The following WDR7 variants were observed in gnomAD, a reference collection of about 807,000 sequenced individuals.
WDR7 encodes WD repeat-containing protein 7.
WDR7 carries 46 observed loss-of-function variants against 169.4 expected under a neutral mutation model. That is an observed-to-expected ratio of 0.27 (90% CI 0.21 to 0.35). The LOEUF is 0.35. WDR7 is among the 10% of genes least tolerant of loss of function. WDR7 has a pLI of 1.00. For missense variants in WDR7, 1,534 were observed against 1,859.3 expected (o/e 0.83, Z 3.22); for synonymous variants, 612 against 666.8 (o/e 0.92, Z 1.27).
At chr18:56,930,017 G>T (rs1350302831) in intron 22 of WDR7, among the ~76,000 whole-genome samples, 5 of 152,090 alleles carry the variant, frequency 3.3e-5, no homozygotes, top group Admixed American at 6.5e-5. Flanking sequence ...CATGTGGCAG[G>T]GCCTTTACTC....
At chr18:56,657,733 A>G (rs751974963) in intron 1 of WDR7, among the ~76,000 whole-genome samples, 9 of 152,240 alleles carry the variant, frequency 5.9e-5, no homozygotes, top group Non-Finnish European at 1.3e-4. Flanking sequence ...TTTGCTGAAT[A>G]CAAAAGAACA....
chr18:56,992,445 A>G (rs1241337660), intron 26 of WDR7, among the ~76,000 whole-genome samples: 3 of 152,210 alleles, frequency 2.0e-5, no homozygotes, highest in African/African-American at 4.8e-5. Context: ...GACTGCATAC[A>G]GAGATTATTC....
chr18:56,711,534 A>G (rs1266023842), intron 12 of WDR7, among the ~76,000 whole-genome samples: 1 of 151,960 alleles, frequency 6.6e-6, no homozygotes. Flanking sequence ...TTAGCCCACT[A>G]TTTCTTCAGT....
rs573169941 is a variant in WDR7, at chr18:56,771,575, C to G, written c.2849-5207C>G. Among the ~76,000 whole-genome samples the G allele has an allele frequency of 1.6e-3, 233 of 144,176 alleles. 4 individuals are homozygous for G. Among genetic ancestry groups the G allele is most frequent in the Admixed American group, 0.015 (213 of 14,148 alleles). The allele number at this position is 144,176 out of a possible 152,430, so 94.6% of individuals were successfully genotyped here. A position where few individuals can be genotyped will look rare whatever the true frequency, so the allele number is the denominator to read the frequency against. ...CATCTCTACCCTCCCCCACCCCCCC[C>G]CAAAAAAAGAAAAAAAAAAATACTG... On this transcript the variant is annotated intron_variant, in intron 16 of 27. Coordinates refer to ENST00000254442, the MANE Select transcript of WDR7 (RefSeq NM_015285.3).
rs578105823 is a variant in WDR7, at chr18:56,675,083, C to T, written c.159+2409C>T. Among the ~76,000 whole-genome samples, 5 of 152,206 alleles carry T rather than the reference C, an allele frequency of 3.3e-5. No individual in the cohort carries two copies. In the East Asian group the frequency reaches 9.6e-4, roughly 29 times the overall value. ...ATGTCTATACTCGCTGTCCTAATTACCGTTGTTTTATATACTCACTGTCTT... is the reference window on the plus strand; with the variant it reads ...ATGTCTATACTCGCTGTCCTAATTATCGTTGTTTTATATACTCACTGTCTT... On this transcript the variant is annotated intron_variant, in intron 2 of 27. Transcript: ENST00000254442.
At chr18:56,799,387 T>C (rs2044635787) in intron 19 of WDR7, among the ~76,000 whole-genome samples, 1 of 151,864 alleles carries the variant, frequency 6.6e-6, no homozygotes, top group Non-Finnish European at 1.5e-5. Flanking sequence ...TTACTTGAGG[T>C]CACATATTTG....
chr18:56,772,275 A>C (rs183995246), intron 16 of WDR7, among the ~76,000 whole-genome samples: 1 of 152,214 alleles, frequency 6.6e-6, no homozygotes, highest in Non-Finnish European at 1.5e-5. Flanking sequence ...ACCAAGGAAA[A>C]ATAAAACATG....
intron 12 of WDR7, among the ~76,000 whole-genome samples, chr18:56,698,218 C>T (rs969428962): frequency 2.0e-5 from 3 of 151,894 alleles, no homozygotes; most frequent in Non-Finnish European, 4.4e-5. Flanking sequence ...TTTGGAATGG[C>T]TTACACAAGG....
At position 56,871,557 on chromosome 18, in the gene WDR7, A is replaced by G. The variant is rs2045953892; in HGVS notation, c.3305-8387A>G. Among the ~76,000 whole-genome samples the G allele has an allele frequency of 3.3e-5, 5 of 152,278 alleles. No homozygotes were observed. In the South Asian group the frequency reaches 1.0e-3, roughly 32 times the overall value. Reference sequence around the variant, plus strand: ...ATCTTTGTACACGTATGATTCTCAAACATATTATTAAATATTTAAAAGTAA... The same window carrying G: ...ATCTTTGTACACGTATGATTCTCAAGCATATTATTAAATATTTAAAAGTAA... On this transcript the variant is annotated intron_variant, in intron 20 of 27. Transcript: ENST00000254442.
chr18:56,811,111 A>G (rs927916450), intron 19 of WDR7, among the ~76,000 whole-genome samples: 1 of 152,218 alleles, frequency 6.6e-6, no homozygotes, highest in African/African-American at 2.4e-5. Flanking sequence ...CATAGCATGT[A>G]TTGGAACTTC....
At chr18:56,748,760 T>G (rs2043742678) in intron 14 of WDR7, among the ~76,000 whole-genome samples, 1 of 152,158 alleles carries the variant, frequency 6.6e-6, no homozygotes, top group Admixed American at 6.5e-5. Flanking sequence ...TTAAGATGAA[T>G]AATAGTATAT....
chr18:56,745,771 T>C (rs2043693010), intron 14 of WDR7, among the ~76,000 whole-genome samples: 1 of 152,184 alleles, frequency 6.6e-6, no homozygotes, highest in African/African-American at 2.4e-5. Context: ...AAAATAGCAC[T>C]TGTAGCATAA....
At chr18:56,816,504 A>G (rs8082989) in intron 20 of WDR7, among the ~76,000 whole-genome samples, 131,085 of 152,214 alleles carry the variant, frequency 0.86, 56,594 homozygotes, top group East Asian at 0.98. Context: ...GTAAACTAAA[A>G]AATACTAAAA....
At chr18:56,667,158 C>T (rs1459029738) in intron 1 of WDR7, among the ~76,000 whole-genome samples, 3 of 152,114 alleles carry the variant, frequency 2.0e-5, no homozygotes, top group Non-Finnish European at 4.4e-5. Context: ...CTTCCTCTGC[C>T]TCACTATGCT....
intron 13 of WDR7, among the ~76,000 whole-genome samples, chr18:56,719,503 A>G (rs1231949147): frequency 6.7e-6 from 1 of 148,942 alleles, no homozygotes; most frequent in South Asian, 2.1e-4. Context: ...CGGAGCTTGC[A>G]GTGAGCCAAG....
intron 2 of WDR7, among the ~76,000 whole-genome samples, chr18:56,677,353 G>A (rs2144550358): frequency 6.6e-6 from 1 of 152,138 alleles, no homozygotes; most frequent in East Asian, 1.9e-4. Context: ...GAGCTCCATT[G>A]TTTGCTTGTT....
intron 21 of WDR7, among the ~76,000 whole-genome samples, chr18:56,904,406 C>G (rs2046448777): frequency 6.6e-6 from 1 of 152,080 alleles, no homozygotes; most frequent in Admixed American, 6.6e-5. Context: ...TTTTCAAAAC[C>G]TCAGCTATTA....
chr18:56,807,556 T>G (rs1457174745), intron 19 of WDR7, among the ~76,000 whole-genome samples: 2 of 152,220 alleles, frequency 1.3e-5, no homozygotes, highest in African/African-American at 4.8e-5. Flanking sequence ...CCCATTAATA[T>G]TCTATTGATA....
intron 21 of WDR7, among the ~76,000 whole-genome samples, chr18:56,903,803 C>T (rs942734263): frequency 2.0e-5 from 3 of 152,112 alleles, no homozygotes; most frequent in African/African-American, 4.8e-5. Context: ...GATTCCTTGC[C>T]ATCTCACTGG....
Sources: allele counts gnomAD v4.1 joint callset (sites outside exome capture counted in the v4.1 genomes callset), GRCh38; gene constraint gnomAD v4.1.1; transcripts MANE v1.5; gene names NCBI Gene and HGNC (gene_info 2026-07-23, HGNC 2026-07-21).